The following ARHGEF26 variants were observed in gnomAD, a reference collection of about 807,000 sequenced individuals.
ARHGEF26 encodes Rho guanine nucleotide exchange factor 26, also known as Rho guanine nucleotide exchange factor (GEF) 26.
In ARHGEF26, 59 loss-of-function variants were observed where a neutral mutation model predicts 89.4. The ratio of observed to expected loss-of-function variants is 0.66; its 90% CI spans 0.54 to 0.82. ARHGEF26 has a LOEUF of 0.82. ARHGEF26 is among the 40% of genes least tolerant of loss of function. The pLI, the probability that ARHGEF26 is intolerant of heterozygous loss-of-function variation, is 0.00. For synonymous variants in ARHGEF26, 500 were observed against 428.4 expected, an observed-to-expected ratio of 1.17 and a Z score of -2.06; for missense variants, 1,234 against 1,085.6, an observed-to-expected ratio of 1.14 and a Z score of -1.92.
intron 12 of ARHGEF26, among the ~76,000 whole-genome samples, chr3:154,246,693 C>T (rs567304634): frequency 1.3e-5 from 2 of 152,232 alleles, no homozygotes; most frequent in Non-Finnish European, 2.9e-5. Context: ...AGAACCCTAA[C>T]CCTAATCCTG....
At chr3:154,165,099 T>C (rs1428571532) in intron 6 of ARHGEF26, among the ~76,000 whole-genome samples, 2 of 152,170 alleles carry the variant, frequency 1.3e-5, no homozygotes, top group Admixed American at 1.3e-4. Context: ...TCTGTGTTTT[T>C]CAGGTTTTAA....
intron 4 of ARHGEF26, among the ~76,000 whole-genome samples, chr3:154,140,117 G>A (rs1719268462): frequency 6.6e-6 from 1 of 151,874 alleles, no homozygotes; most frequent in African/African-American, 2.4e-5. Context: ...CCAAAGTTCT[G>A]AATGAGCAGA....
At chr3:154,176,820 C>A (rs1014722917) in intron 6 of ARHGEF26, among the ~76,000 whole-genome samples, 4 of 152,016 alleles carry the variant, frequency 2.6e-5, no homozygotes, top group Middle Eastern at 3.4e-3. Context: ...ATATATATAT[C>A]TTTTTATGAG....
Position 154,217,221 on chromosome 3 carries a change from G to A in ARHGEF26, c.1846-648G>A, listed in dbSNP as rs553400188. Among the ~76,000 whole-genome samples, 678 of 149,430 alleles carry A rather than the reference G, an allele frequency of 4.5e-3. 2 individuals carry two copies. The highest frequency in any genetic ancestry group is 0.016 in the African/African-American group (647 of 40,580). On this transcript the variant is annotated intron_variant, in intron 9 of 14. Transcript: ENST00000465093. The stretch of plus-strand genomic sequence containing the variant: ...GTTGTTCCCTGACTTTTTAATGATT[G>A]CCATTCTAACTGGTGTGAGATGGTA...
chr3:154,212,862 G>A (rs1401356839), intron 9 of ARHGEF26, among the ~76,000 whole-genome samples: 1 of 152,124 alleles, frequency 6.6e-6, no homozygotes, highest in African/African-American at 2.4e-5. Context: ...GGCCCTGGGG[G>A]TGGGGGATCC....
chr3:154,154,556 A>C (rs1713817), intron 6 of ARHGEF26, among the ~76,000 whole-genome samples: 77 of 151,776 alleles, frequency 5.1e-4, no homozygotes, highest in African/African-American at 1.8e-3. Context: ...TGTCCCCTCT[A>C]TCCTATTCTC....
chr3:154,198,202 G>A (rs1485532716), intron 9 of ARHGEF26, among the ~76,000 whole-genome samples: 1 of 152,052 alleles, frequency 6.6e-6, no homozygotes, highest in African/African-American at 2.4e-5. Context: ...CTGCAAAAAT[G>A]GCCATAATTC....
In ARHGEF26 at chr3:154,255,237, G is replaced by A. The variant is rs1718423563; in HGVS notation, c.2474-94G>A. On this transcript the variant is annotated intron_variant, in intron 14 of 14. Coordinates refer to ENST00000465093, the MANE Select transcript of ARHGEF26 (RefSeq NM_015595.4). ...TCTTCTCACCGTAGCACTTAGCCTG[G>A]GGAGGGATGCTGCCTCTCAGCTTTT... 8.3e-6 allele frequency: 11 copies of A among 1,319,784 alleles called. No individual in the cohort carries two copies. In the Admixed American group the frequency reaches 1.6e-4, roughly 20 times the overall value. 81.8% of individuals were successfully genotyped at this position (1,319,784 alleles called of 1,614,324 possible). A position where few individuals can be genotyped will look rare whatever the true frequency, so the allele number is the denominator to read the frequency against.
intron 13 of ARHGEF26, among the ~76,000 whole-genome samples, chr3:154,254,331 ACT>A (rs1718346165): frequency 6.6e-6 from 1 of 152,092 alleles, no homozygotes; most frequent in Non-Finnish European, 1.5e-5. Flanking sequence ...ATGGGGAGAC[ACT>A]CTGATGAGAG....
At chr3:154,220,961 G>T (rs1482077240) in intron 10 of ARHGEF26, among the ~76,000 whole-genome samples, 2 of 151,998 alleles carry the variant, frequency 1.3e-5, no homozygotes, top group Non-Finnish European at 2.9e-5. Context: ...AAATCAAAAT[G>T]ATAAGAGAAG....
intron 9 of ARHGEF26, among the ~76,000 whole-genome samples, chr3:154,208,257 G>A (rs1001616383): frequency 2.0e-5 from 3 of 152,078 alleles, no homozygotes; most frequent in East Asian, 1.9e-4. Flanking sequence ...TAAAATAAAC[G>A]TTGGAAATAA....
chr3:154,167,065 G>A lies in ARHGEF26; in HGVS notation c.1487+14133G>A, dbSNP rs962280573. 2.0e-5 allele frequency among the ~76,000 whole-genome samples: 3 copies of A among 152,158 alleles called. No individual in the cohort carries two copies. The East Asian group carries it at 5.8e-4, about 29-fold the overall frequency. On this transcript the variant is annotated intron_variant, in intron 6 of 14. Coordinates refer to ENST00000465093, the MANE Select transcript of ARHGEF26 (RefSeq NM_015595.4). ...AAATCTTTGTATGCTCCCCAAATAA[G>A]CCCAAGTTTTCTTTATGTAGTTTCT...
chr3:154,160,424 G>A (rs537677300), intron 6 of ARHGEF26, among the ~76,000 whole-genome samples: 1 of 152,158 alleles, frequency 6.6e-6, no homozygotes, highest in Admixed American at 6.5e-5. Context: ...CAGGAGGCCA[G>A]TTAAAGATGA....
At chr3:154,231,913 T>C (rs181547) in intron 11 of ARHGEF26, among the ~76,000 whole-genome samples, 1 of 149,504 alleles carries the variant, frequency 6.7e-6, no homozygotes, top group Non-Finnish European at 1.5e-5. Flanking sequence ...TTTTTTTTTT[T>C]CACTATTCCT....
intron 9 of ARHGEF26, among the ~76,000 whole-genome samples, chr3:154,200,229 T>G (rs1559893804): frequency 6.6e-6 from 1 of 152,210 alleles, no homozygotes; most frequent in Admixed American, 6.5e-5. Context: ...TTTGATTTGA[T>G]TTTTGTATAT....
At chr3:154,139,410 C>T (rs963769332) in intron 4 of ARHGEF26, among the ~76,000 whole-genome samples, 2 of 152,170 alleles carry the variant, frequency 1.3e-5, no homozygotes, top group Non-Finnish European at 2.9e-5. Context: ...GACTTATTCT[C>T]AACTAGCTAT....
intron 11 of ARHGEF26, among the ~76,000 whole-genome samples, chr3:154,232,705 T>C (rs911905936): frequency 6.6e-6 from 1 of 152,240 alleles, no homozygotes; most frequent in Non-Finnish European, 1.5e-5. Flanking sequence ...AAATGTATTA[T>C]CTCATTTAAT....
At chr3:154,205,255 G>C (rs1714945852) in intron 9 of ARHGEF26, among the ~76,000 whole-genome samples, 1 of 151,758 alleles carries the variant, frequency 6.6e-6, no homozygotes, top group Non-Finnish European at 1.5e-5. Flanking sequence ...TCATTATATA[G>C]TGACTTTCTT....
chr3:154,214,660 T>C lies in ARHGEF26; in HGVS notation c.1846-3209T>C, dbSNP rs74612873. On this transcript the variant is annotated intron_variant, in intron 9 of 14. Coordinates refer to ENST00000465093, the MANE Select transcript of ARHGEF26 (RefSeq NM_015595.4). The stretch of plus-strand genomic sequence containing the variant: ...TAGATAGTTGGATCAGAGCCTAGGA[T>C]GTAGACAAAGTCTGGGAACATAGAT... 4.8e-3 allele frequency among the ~76,000 whole-genome samples: 730 copies of C among 152,226 alleles called. 54 individuals carry two copies. The East Asian group carries it at 0.14, about 28-fold the overall frequency.
Sources: gnomAD v4.1 joint callset for allele counts (sites outside exome capture counted in the v4.1 genomes callset) on GRCh38, gnomAD v4.1.1 for gene constraint, MANE v1.5 for transcripts, NCBI Gene and HGNC (gene_info 2026-07-23, HGNC 2026-07-21) for gene names.